FHIT: variants seen among roughly 807,000 people sequenced by gnomAD.
The protein encoded by FHIT is bis(5'-adenosyl)-triphosphatase.
FHIT carries 19 observed loss-of-function variants against 17.9 expected under a neutral mutation model. The ratio of observed to expected loss-of-function variants is 1.06; its 90% CI spans 0.74 to 1.56. The LOEUF is 1.56. Ranked by LOEUF, FHIT falls within the 40% of genes most tolerant of loss-of-function variation. FHIT has a pLI of 0.00. For missense variants in FHIT, 248 were observed against 189.2 expected (o/e 1.31, Z -1.82); for synonymous variants, 81 against 69.7 (o/e 1.16, Z -0.81).
chr3:60,044,442 C>A (rs11718994), intron 5 of FHIT, among the ~76,000 whole-genome samples: 1 of 151,934 alleles, frequency 6.6e-6, no homozygotes, highest in Non-Finnish European at 1.5e-5. Context: ...CCAGGGTAAG[C>A]CTTCCTCACA....
At chr3:60,973,909 G>A (rs1258875617) in intron 3 of FHIT, among the ~76,000 whole-genome samples, 1 of 152,118 alleles carries the variant, frequency 6.6e-6, no homozygotes, top group Non-Finnish European at 1.5e-5. Flanking sequence ...TTATTTGGAA[G>A]GCCTCCAGAG....
chr3:60,754,365 A>C lies in FHIT; in HGVS notation c.-18+67554T>G, dbSNP rs138902426. On this transcript the variant is annotated intron_variant, in intron 4 of 9. Coordinates refer to ENST00000492590, the MANE Select transcript of FHIT (RefSeq NM_002012.4). ...GCGTGATATCAACAGGGGGAATCTC[A>C]CATACGAGTAGAGGCTGGTTTAGAA... is the stretch of plus-strand genomic sequence containing the variant. Among the ~76,000 whole-genome samples the C allele has an allele frequency of 1.4e-3, 220 of 152,306 alleles. No individual in the cohort carries two copies. The Middle Eastern group carries it at 0.017, about 12-fold the overall frequency.
chr3:60,130,095 C>T (rs1699472315), intron 5 of FHIT, among the ~76,000 whole-genome samples: 1 of 152,078 alleles, frequency 6.6e-6, no homozygotes, highest in Non-Finnish European at 1.5e-5. Context: ...TTCCTCTTTC[C>T]CATGGAATCA....
chr3:59,783,242 G>A lies in FHIT; in HGVS notation c.349-30921C>T, dbSNP rs143467406. ...TCCCAGCACTTTGGGAGGCCAAGGC[G>A]GGAAGATCACGAGGTCAAGAGATCG... is the stretch of plus-strand genomic sequence containing the variant. On this transcript the variant is annotated intron_variant, in intron 8 of 9. Transcript: ENST00000492590. 1.8e-4 allele frequency among the ~76,000 whole-genome samples: 27 copies of A among 152,248 alleles called. No individual in the cohort carries two copies. In the East Asian group the frequency reaches 2.7e-3, roughly 15 times the overall value.
rs564833293 is a variant in FHIT, at chr3:60,319,236, T to C, written c.103+217624A>G. ...TAATCTCTTTGGATTTTCTTCTTAA[T>C]ACTAGTTCATTCTTTGTTCATTTAC... On this transcript the variant is annotated intron_variant, in intron 5 of 9. Transcript: ENST00000492590. Among the ~76,000 whole-genome samples the C allele has an allele frequency of 1.8e-4, 28 of 152,240 alleles. 1 individual carries two copies. The highest frequency in any genetic ancestry group is 1.3e-3 in the Admixed American group (20 of 15,282).
At chr3:60,811,405 G>A (rs1701567618) in intron 4 of FHIT, among the ~76,000 whole-genome samples, 1 of 152,146 alleles carries the variant, frequency 6.6e-6, no homozygotes, top group South Asian at 2.1e-4. Flanking sequence ...TAACTTTTCT[G>A]ATTACAAGAA....
At chr3:60,897,432 C>T (rs963077632) in intron 3 of FHIT, among the ~76,000 whole-genome samples, 43 of 152,214 alleles carry the variant, frequency 2.8e-4, no homozygotes, top group East Asian at 9.6e-4. Flanking sequence ...TGGTTTATTA[C>T]GTGTGGTTTA....
Position 60,029,897 on chromosome 3 carries a change from C to CTGTGTGTGTCTGTGTGTGTGTGTGTG in FHIT, c.104-15746_104-15745insCACACACACACACACAGACACACACA, listed in dbSNP as rs1354637337. On this transcript the variant is annotated intron_variant, in intron 5 of 9. Transcript: ENST00000492590. The stretch of plus-strand genomic sequence containing the variant: ...AGAAGCATTGTGTGTGTGTGTGTGT[C>CTGTGTGTGTCTGTGTGTGTGTGTGTG]TGTGTGTGTGTGTGTGTGTGTGTGT... 6.9e-3 allele frequency among the ~76,000 whole-genome samples: 887 copies of CTGTGTGTGTCTGTGTGTGTGTGTGTG among 127,878 alleles called. 13 individuals are homozygous for CTGTGTGTGTCTGTGTGTGTGTGTGTG. The highest frequency in any genetic ancestry group is 0.028 in the African/African-American group (846 of 30,134). 83.9% of individuals were successfully genotyped at this position (127,878 alleles called of 152,430 possible). A position where few individuals can be genotyped will look rare whatever the true frequency, so the allele number is the denominator to read the frequency against.
intron 5 of FHIT, among the ~76,000 whole-genome samples, chr3:60,252,882 C>T (rs1354666902): frequency 1.3e-5 from 2 of 151,908 alleles, no homozygotes; most frequent in East Asian, 2.0e-4. Flanking sequence ...CCTGTAGTTC[C>T]AGCTACTCGG....
At chr3:60,417,156 A>T (rs1702281754) in intron 5 of FHIT, among the ~76,000 whole-genome samples, 1 of 152,190 alleles carries the variant, frequency 6.6e-6, no homozygotes, top group Non-Finnish European at 1.5e-5. Context: ...TGGCTAAAAA[A>T]GTGTGGCTAC....
chr3:61,246,625 C>A (rs2040492460), intron 1 of FHIT, among the ~76,000 whole-genome samples: 1 of 151,756 alleles, frequency 6.6e-6, no homozygotes, highest in East Asian at 1.9e-4. Flanking sequence ...CGTTCTCACT[C>A]ATAAGTGGGA....
chr3:61,151,570 C>CT (rs11379500), intron 2 of FHIT, among the ~76,000 whole-genome samples: 45,629 of 121,034 alleles, frequency 0.38, 8,277 homozygotes, highest in East Asian at 0.75. Context: ...ATATTCTTTT[C>CT]TTTTCTTTTT....
At position 60,098,307 on chromosome 3, in the gene FHIT, G is replaced by A. The variant is rs563838127; in HGVS notation, c.104-84155C>T. On this transcript the variant is annotated intron_variant, in intron 5 of 9. Coordinates refer to ENST00000492590, the MANE Select transcript of FHIT (RefSeq NM_002012.4). The stretch of plus-strand genomic sequence containing the variant: ...AATCGCCACACTGACTTCCACAATG[G>A]TTGAACTAGTTTACAGTCCCACCAA... Among the ~76,000 whole-genome samples, 725 of 146,096 alleles carry A rather than the reference G, an allele frequency of 5.0e-3. 9 individuals are homozygous for A. The highest frequency in any genetic ancestry group is 5.6e-3 in the Non-Finnish European group (371 of 66,502).
At chr3:61,067,298 A>T (rs1403370375) in intron 2 of FHIT, among the ~76,000 whole-genome samples, 2 of 152,164 alleles carry the variant, frequency 1.3e-5, no homozygotes, top group African/African-American at 4.8e-5. Context: ...AAAACTATGT[A>T]CTCATGGTGA....
At chr3:60,720,575 TAGAATC>T (rs1236307488) in intron 4 of FHIT, among the ~76,000 whole-genome samples, 1 of 152,126 alleles carries the variant, frequency 6.6e-6, no homozygotes, top group Non-Finnish European at 1.5e-5. Flanking sequence ...GGCTAACAAT[TAGAATC>T]ACCTGGGAAA....
At chr3:61,211,672 C>T (rs1394016667) in intron 1 of FHIT, among the ~76,000 whole-genome samples, 1 of 152,230 alleles carries the variant, frequency 6.6e-6, no homozygotes, top group African/African-American at 2.4e-5. Flanking sequence ...CAGCACGCAG[C>T]CAGAGATCTG....
intron 5 of FHIT, among the ~76,000 whole-genome samples, chr3:60,305,265 T>G (rs1708621025): frequency 6.6e-6 from 1 of 152,080 alleles, no homozygotes; most frequent in Admixed American, 6.6e-5. Flanking sequence ...TCCTTGTCAA[T>G]CATTTCCAGT....
intron 4 of FHIT, among the ~76,000 whole-genome samples, chr3:60,748,643 C>T (rs1342185239): frequency 6.6e-6 from 1 of 152,116 alleles, no homozygotes; most frequent in African/African-American, 2.4e-5. Context: ...GAAAGCACAT[C>T]TCTACTAAAA....
chr3:60,011,436 G>C (rs1255665685), intron 6 of FHIT, 36 bp from the exon 7 acceptor site: 5 of 1,570,882 alleles, frequency 3.2e-6, no homozygotes, highest in Non-Finnish European at 4.4e-6. Context: ...GGTGAGAATA[G>C]ATAGATGGTA....
Sources: gnomAD v4.1 joint callset for allele counts (sites outside exome capture counted in the v4.1 genomes callset) on GRCh38, gnomAD v4.1.1 for gene constraint, MANE v1.5 for transcripts, NCBI Gene and HGNC (gene_info 2026-07-23, HGNC 2026-07-21) for gene names.